The following ING5 variants were observed in gnomAD, a reference collection of about 807,000 sequenced individuals.
The protein encoded by ING5 is inhibitor of growth protein 5.
ING5 carries 17 observed loss-of-function variants against 37.4 expected under a neutral mutation model. The observed-to-expected ratio is 0.45, with a 90% CI of 0.31 to 0.68. The LOEUF is 0.68. Ranked by LOEUF, ING5 falls within the 30% of genes least tolerant of loss-of-function variation. The pLI is 0.05. For synonymous variants in ING5, 123 were observed against 116.6 expected, an observed-to-expected ratio of 1.06 and a Z score of -0.36; for missense variants, 233 against 311.9, an observed-to-expected ratio of 0.75 and a Z score of 1.91.
chr2:241,691,505 TA>T (rs1193332725), intron 2 of ING5, among the ~76,000 whole-genome samples: 1 of 149,874 alleles, frequency 6.7e-6, no homozygotes, highest in African/African-American at 2.5e-5. Flanking sequence ...CCCTGTTTCT[TA>T]GTGTGCTGCA....
chr2:241,700,150 GTTTTTT>G (rs780209565), upstream of ING5, among the ~76,000 whole-genome samples: 6 of 73,310 alleles, frequency 8.2e-5, no homozygotes, highest in African/African-American at 2.7e-4. Context: ...GCCCGGCTAA[GTTTTTT>G]TTTTTTTTTT....
chr2:241,707,924 A>C (rs1284405837), intron 2 of ING5, among the ~76,000 whole-genome samples: 1 of 151,500 alleles, frequency 6.6e-6, no homozygotes, highest in Non-Finnish European at 1.5e-5. Context: ...TCTGAGACGG[A>C]GTCTCGCTTT....
intron 5 of ING5, chr2:241,721,089 G>A: frequency 6.1e-6 from 6 of 985,658 alleles, no homozygotes; most frequent in Non-Finnish European, 7.2e-6. Context: ...ACTCGGCGCA[G>A]AAGAGGAGGG....
intron 2 of ING5, among the ~76,000 whole-genome samples, chr2:241,706,179 C>G (rs747266017): frequency 3.9e-5 from 6 of 152,186 alleles, no homozygotes; most frequent in Non-Finnish European, 8.8e-5. Flanking sequence ...GCCAACTGCA[C>G]ACTTGTTGCC....
chr2:241,712,932 C>G (rs1298510159), intron 5 of ING5, among the ~76,000 whole-genome samples: 1 of 150,518 alleles, frequency 6.6e-6, no homozygotes, highest in Non-Finnish European at 1.5e-5. Context: ...GAAAGCTGAG[C>G]TGGGAGGATC....
At chr2:241,702,207 G>A in intron 1 of ING5, 105 bp downstream of exon 1, 2 of 504,074 alleles carry the variant, frequency 4.0e-6, no homozygotes, top group South Asian at 1.6e-4. Flanking sequence ...GGCTCGGGAG[G>A]GCGGCGGGCG....
chr2:241,720,718 A>G (rs1412212537), intron 5 of ING5: 9 of 985,484 alleles, frequency 9.1e-6, no homozygotes, highest in Admixed American at 6.1e-5. Flanking sequence ...CTGGGGAGTT[A>G]GCACAGAGGG....
intron 3 of ING5, among the ~76,000 whole-genome samples, chr2:241,710,164 T>C (rs1198217601): frequency 2.0e-5 from 3 of 152,084 alleles, no homozygotes; most frequent in Non-Finnish European, 4.4e-5. Context: ...TGGAGTGCAA[T>C]GGTGCTATCT....
At chr2:241,709,761 C>T (rs1461823375) in intron 3 of ING5, among the ~76,000 whole-genome samples, 1 of 151,676 alleles carries the variant, frequency 6.6e-6, no homozygotes, top group Non-Finnish European at 1.5e-5. Flanking sequence ...CATGCAGCAC[C>T]ACACCCAGCT....
intron 2 of ING5, among the ~76,000 whole-genome samples, chr2:241,708,253 G>T (rs2069987091): frequency 6.7e-6 from 1 of 150,104 alleles, no homozygotes; most frequent in Non-Finnish European, 1.5e-5. Context: ...TTTCGCCCAG[G>T]CCGGACTGCA....
intron 5 of ING5, chr2:241,722,287 G>C: frequency 3.0e-6 from 3 of 985,410 alleles, no homozygotes; most frequent in Non-Finnish European, 3.6e-6. Flanking sequence ...AAGGGGCCGG[G>C]GTCTTTGGAG....
rs1046907613 is a variant in ING5, at chr2:241,727,129, G to A, written c.*2098G>A. On this transcript the variant is annotated 3_prime_UTR_variant, in exon 8 of 8. Coordinates refer to ENST00000313552, the MANE Select transcript of ING5 (RefSeq NM_032329.6). Reference sequence around the variant, plus strand: ...AGTTTGTATTTTTGTTGGAGACGGGGTTTCACCATATTGGCCAGACTGGTC... The same window carrying A: ...AGTTTGTATTTTTGTTGGAGACGGGATTTCACCATATTGGCCAGACTGGTC... 1 of 152,000 alleles carries A rather than the reference G, an allele frequency of 6.6e-6. No homozygotes were observed. Among genetic ancestry groups the A allele is most frequent in the Non-Finnish European group, 1.5e-5 (1 of 68,018 alleles). The allele number at this position is 152,000 out of a possible 1,614,324, so 9.4% of individuals were successfully genotyped here.
At chr2:241,702,011 C>T, upstream of ING5, 2 of 1,294,420 alleles carry the variant, frequency 1.5e-6, no homozygotes, top group East Asian at 3.4e-5. Flanking sequence ...GCCCCGCCCC[C>T]GCCTCCCGCG....
intron 5 of ING5, chr2:241,720,713 G>T: frequency 1.0e-6 from 1 of 985,646 alleles, no homozygotes; most frequent in Non-Finnish European, 1.2e-6. Flanking sequence ...ACACCCTGGG[G>T]AGTTAGCACA....
In ING5 at chr2:241,725,935, G is replaced by A. The variant is rs1417789758; in HGVS notation, c.*904G>A. The A allele has an allele frequency of 1.3e-5, 2 of 152,604 alleles. No individual in the cohort carries two copies. The highest frequency in any genetic ancestry group is 6.5e-5 in the Admixed American group (1 of 15,276). 9.5% of individuals were successfully genotyped at this position (152,604 alleles called of 1,614,324 possible). A position where few individuals can be genotyped will look rare whatever the true frequency, so the allele number is the denominator to read the frequency against. On this transcript the variant is annotated 3_prime_UTR_variant, in exon 8 of 8. Coordinates refer to ENST00000313552, the MANE Select transcript of ING5 (RefSeq NM_032329.6). ...CGCAGCTCCCGGTCGAGGGGACTCC[G>A]ATGTGAATTTGTTGTGAATTTGTTG...
chr2:241,708,349 A>G (rs2069990063), intron 2 of ING5, among the ~76,000 whole-genome samples: 1 of 151,490 alleles, frequency 6.6e-6, no homozygotes, highest in South Asian at 2.1e-4. Flanking sequence ...CTGGGACTAT[A>G]GGCACCCGCC....
intron 1 of ING5, among the ~76,000 whole-genome samples, chr2:241,703,271 A>C (rs776223306): frequency 2.0e-5 from 3 of 152,150 alleles, no homozygotes; most frequent in Admixed American, 6.5e-5. Context: ...CTGGGGCTGG[A>C]AGCATCAGAT....
At chr2:241,697,899 A>T (rs1182070762), upstream of ING5, among the ~76,000 whole-genome samples, 1 of 152,086 alleles carries the variant, frequency 6.6e-6, no homozygotes, top group Non-Finnish European at 1.5e-5. Context: ...CCTGGCCAAC[A>T]GGGTGAAACC....
At position 241,726,100 on chromosome 2, in the gene ING5, T is replaced by C. The variant is rs1187116573; in HGVS notation, c.*1069T>C. 1 of 152,546 alleles carries C rather than the reference T, an allele frequency of 6.6e-6. No homozygotes were observed. Among genetic ancestry groups the C allele is most frequent in the East Asian group, 1.9e-4 (1 of 5,182 alleles). The allele number at this position is 152,546 out of a possible 1,614,324, so 9.4% of individuals were successfully genotyped here. On this transcript the variant is annotated 3_prime_UTR_variant, in exon 8 of 8. Coordinates refer to ENST00000313552, the MANE Select transcript of ING5 (RefSeq NM_032329.6). ...TGCAGATTTGCTCTGTTGTGACGCG[T>C]TGGTGACGGTGCCCAGCCTGCGGTT... is the stretch of plus-strand genomic sequence containing the variant.
Sources: allele counts gnomAD v4.1 joint callset (sites outside exome capture counted in the v4.1 genomes callset), GRCh38; gene constraint gnomAD v4.1.1; transcripts MANE v1.5; gene names NCBI Gene and HGNC (gene_info 2026-07-23, HGNC 2026-07-21).